Variants in PSMD11 observed in about 807,000 individuals in gnomAD.
PSMD11 encodes the protein proteasome 26S subunit, non-ATPase 11, also known as 26S proteasome non-ATPase regulatory subunit 11.
PSMD11 carries 5 observed loss-of-function variants against 62.3 expected under a neutral mutation model. The ratio of observed to expected loss-of-function variants is 0.08; its 90% CI spans 0.04 to 0.17. The LOEUF is 0.17. PSMD11 is among the 10% of genes least tolerant of loss of function. The probability of loss-of-function intolerance (pLI) is 1.00; values close to 1 mark genes in which losing one functional copy is unlikely to be tolerated. For missense variants in PSMD11, 310 were observed against 512.9 expected (o/e 0.60, Z 3.82); for synonymous variants, 191 against 191.8 (o/e 1.00, Z 0.03).
At chr17:32,474,032 T>C in intron 7 of PSMD11, 87 bp downstream of exon 7, 1 of 1,509,984 alleles carries the variant, frequency 6.6e-7, no homozygotes, top group Non-Finnish European at 9.1e-7. Context: ...AGCAGGGAGT[T>C]TGGCCAGTTA....
At chr17:32,445,280 A>G (rs1907299007) in intron 1 of PSMD11, 1 of 152,288 alleles carries the variant, frequency 6.6e-6, no homozygotes, top group Non-Finnish European at 1.5e-5. Context: ...TGTAAGAGTG[A>G]GGTGTTGGAG....
At chr17:32,464,635 C>T in intron 5 of PSMD11, 57 bp downstream of exon 5, 1 of 1,341,048 alleles carries the variant, frequency 7.5e-7, no homozygotes, top group Non-Finnish European at 1.0e-6. Flanking sequence ...TTCTAAACCA[C>T]CTGGCTACTC....
In PSMD11 at chr17:32,477,593, A is replaced by G. The variant is rs1908365549; in HGVS notation, c.912+10A>G. 1.9e-6 allele frequency: 3 copies of G among 1,603,162 alleles called. No homozygotes were observed. Among genetic ancestry groups the G allele is most frequent in the South Asian group, 1.1e-5 (1 of 90,522 alleles). On this transcript the variant is annotated intron_variant, in intron 9 of 13. Transcript: ENST00000261712. ...GGCAGATTTTGAAAAGGTGAGTATG[A>G]TATTGGGTTGGTATGGAATGTGAGT...
chr17:32,473,391 C>A (rs887475310), intron 6 of PSMD11, among the ~76,000 whole-genome samples: 3 of 151,894 alleles, frequency 2.0e-5, no homozygotes, highest in Non-Finnish European at 4.4e-5. Context: ...ATTCTCCTTC[C>A]TCAGCCTCCC....
At chr17:32,454,215 A>G (rs1303276292) in intron 2 of PSMD11, among the ~76,000 whole-genome samples, 1 of 152,226 alleles carries the variant, frequency 6.6e-6, no homozygotes, top group Non-Finnish European at 1.5e-5. Flanking sequence ...TTTATCTTTC[A>G]TTAAGATGGA....
intron 6 of PSMD11, among the ~76,000 whole-genome samples, chr17:32,470,662 T>G (rs1334278092): frequency 6.6e-6 from 1 of 152,228 alleles, no homozygotes; most frequent in African/African-American, 2.4e-5. Context: ...TGTTAACTAA[T>G]GTGTTTGGCA....
At chr17:32,447,085 G>T in intron 2 of PSMD11, 39 bp downstream of exon 2, 1 of 1,463,186 alleles carries the variant, frequency 6.8e-7, no homozygotes, top group Non-Finnish European at 9.4e-7. Context: ...AATGCTCAGT[G>T]AAATTCCTGT....
At chr17:32,460,040 T>C (rs1417546522) in intron 3 of PSMD11, among the ~76,000 whole-genome samples, 1 of 152,194 alleles carries the variant, frequency 6.6e-6, no homozygotes, top group African/African-American at 2.4e-5. Flanking sequence ...CATGGTAGTA[T>C]TGAGGCCTGA....
intron 3 of PSMD11, among the ~76,000 whole-genome samples, chr17:32,456,674 C>T (rs1038168130): frequency 8.6e-4 from 131 of 152,322 alleles, no homozygotes; most frequent in African/African-American, 3.0e-3. Context: ...GGACTACAGG[C>T]GCCCGCCACC....
chr17:32,454,570 G>A lies in PSMD11; in HGVS notation c.269G>A (p.Arg90Gln), dbSNP rs1907596877. The change falls in exon 3 of 14, where the codon CGA (arginine) becomes CAA (glutamine). Residue 90 changes from arginine (R) to glutamine (Q), a missense_variant. Around this residue, in one of 6 missense-constraint regions of PSMD11, gnomAD observed 50 missense variants for 94.4 expected, o/e 0.53. Coordinates refer to ENST00000261712, the MANE Select transcript of PSMD11 (RefSeq NM_002815.4). ...AAGGCTAAAGCAGCTCGCCTGGTCC[G>A]ATCTCTTCTTGATCTGTTTCTTGAT... ...ISKAKAARLV[R>Q]SLLDLFLDME... is the part of the protein sequence containing the mutation. The A allele has an allele frequency of 1.2e-6, 2 of 1,613,902 alleles. No homozygotes were observed. The highest frequency in any genetic ancestry group is 1.7e-5 in the Admixed American group (1 of 59,976).
In PSMD11 at chr17:32,444,516, G is replaced by C; in HGVS notation, c.-8G>C. 3 of 1,589,040 alleles carry C rather than the reference G, an allele frequency of 1.9e-6. No individual in the cohort carries two copies. In the South Asian group the frequency reaches 3.4e-5, roughly 18 times the overall value. On this transcript the variant is annotated 5_prime_UTR_variant, in exon 1 of 14. Transcript: ENST00000261712. ...GGCCGCGGCCGGGGACGGTGTGAGAGCGGTAAGATGGCGGCGGCGGCGGTG... is the reference window on the plus strand; with the variant it reads ...GGCCGCGGCCGGGGACGGTGTGAGACCGGTAAGATGGCGGCGGCGGCGGTG...
Position 32,449,048 on chromosome 17 carries a change from C to T in PSMD11, c.193+2002C>T, listed in dbSNP as rs1006352163. Among the ~76,000 whole-genome samples, 11 of 152,122 alleles carry T rather than the reference C, an allele frequency of 7.2e-5. No homozygotes were observed. The East Asian group carries it at 7.7e-4, about 11-fold the overall frequency. Reference sequence around the variant, plus strand: ...TCCAAAACAGTTTTGATAATTACTCCATGCAAAATATAATAAGGTAATTTT... The same window carrying T: ...TCCAAAACAGTTTTGATAATTACTCTATGCAAAATATAATAAGGTAATTTT... On this transcript the variant is annotated intron_variant, in intron 2 of 13. Coordinates refer to ENST00000261712, the MANE Select transcript of PSMD11 (RefSeq NM_002815.4).
chr17:32,458,902 CCTAT>C, intron 3 of PSMD11, among the ~76,000 whole-genome samples: 1 of 151,908 alleles, frequency 6.6e-6, no homozygotes, highest in South Asian at 2.1e-4. Context: ...CCTTGATCAC[CCTAT>C]CTTTGTTTCC....
In PSMD11 at chr17:32,481,333, G is replaced by GCCGCCA. The variant is rs1162700649; in HGVS notation, c.*584_*589dup. On this transcript the variant is annotated 3_prime_UTR_variant, in exon 14 of 14. Transcript: ENST00000261712. ...CAGAGTAGCCGAAGGTCCTGCCGCC[G>GCCGCCA]CCGCCACCACCACCACCACTGCAGC... 2.5e-5 allele frequency: 4 copies of GCCGCCA among 160,724 alleles called. No homozygotes were observed. Among genetic ancestry groups the GCCGCCA allele is most frequent in the Admixed American group, 6.5e-5 (1 of 15,420 alleles). 10.0% of individuals were successfully genotyped at this position (160,724 alleles called of 1,614,324 possible). A position where few individuals can be genotyped will look rare whatever the true frequency, so the allele number is the denominator to read the frequency against.
chr17:32,479,050 C>T (rs1908413987), intron 9 of PSMD11, among the ~76,000 whole-genome samples: 1 of 152,200 alleles, frequency 6.6e-6, no homozygotes, highest in South Asian at 2.1e-4. Context: ...ACTGGGACTC[C>T]AGGTGCGTGC....
At chr17:32,447,590 C>T (rs1332573684) in intron 2 of PSMD11, among the ~76,000 whole-genome samples, 1 of 152,138 alleles carries the variant, frequency 6.6e-6, no homozygotes, top group East Asian at 1.9e-4. Context: ...TTAGATTTGA[C>T]ATAATATTCT....
Position 32,474,488 on chromosome 17 carries a change from A to G in PSMD11, c.789-276A>G, listed in dbSNP as rs538073923. 8.5e-5 allele frequency among the ~76,000 whole-genome samples: 13 copies of G among 152,258 alleles called. No individual in the cohort carries two copies. In the South Asian group the frequency reaches 2.7e-3, roughly 32 times the overall value. On this transcript the variant is annotated intron_variant, in intron 7 of 13. Coordinates refer to ENST00000261712, the MANE Select transcript of PSMD11 (RefSeq NM_002815.4). ...CCTGTTACACTGGGATTTGACTTAA[A>G]CTTATAGTTCTGCTTGTTGTGTCTA...
chr17:32,470,314 GT>G lies in PSMD11; in HGVS notation c.643+1132del, dbSNP rs559267622. Among the ~76,000 whole-genome samples the G allele has an allele frequency of 6.1e-3, 880 of 144,894 alleles. 9 individuals are homozygous for G. The highest frequency in any genetic ancestry group is 0.019 in the African/African-American group (765 of 39,696). On this transcript the variant is annotated intron_variant, in intron 6 of 13. Coordinates refer to ENST00000261712, the MANE Select transcript of PSMD11 (RefSeq NM_002815.4). Reference sequence around the variant, plus strand: ...GCCACCATGCCTGGCCTTTGTTTCTGTTTTTTTTTTTGAGATGGGGTCTTGT... The same window carrying G: ...GCCACCATGCCTGGCCTTTGTTTCTGTTTTTTTTTTGAGATGGGGTCTTGT...
intron 2 of PSMD11, among the ~76,000 whole-genome samples, chr17:32,449,774 T>C (rs531234328): frequency 1.3e-5 from 2 of 152,236 alleles, no homozygotes; most frequent in Non-Finnish European, 2.9e-5. Flanking sequence ...TTGCTATTAA[T>C]GATATGTTTG....
Sources: gnomAD v4.1 joint callset for allele counts (sites outside exome capture counted in the v4.1 genomes callset) on GRCh38, gnomAD v4.1.1 for gene constraint, gnomAD v4.1.1 regional missense constraint, MANE v1.5 for transcripts, NCBI Gene and HGNC (gene_info 2026-07-23, HGNC 2026-07-21) for gene names.